Variants in SLC38A10 observed in about 807,000 individuals in gnomAD.
SLC38A10 encodes the protein solute carrier family 38 member 10.
In SLC38A10, 53 loss-of-function variants were observed where a neutral mutation model predicts 81.0. That is an observed-to-expected ratio of 0.65 (90% CI 0.53 to 0.82). SLC38A10 has a LOEUF of 0.82. Ranked by LOEUF, SLC38A10 falls within the 40% of genes least tolerant of loss-of-function variation. The pLI is 0.00. For synonymous variants in SLC38A10, 665 were observed against 655.3 expected (o/e 1.01, Z -0.23); for missense variants, 1,471 against 1,545.0 (o/e 0.95, Z 0.80).
intron 8 of SLC38A10, among the ~76,000 whole-genome samples, chr17:81,275,012 C>T (rs2063148548): frequency 1.3e-5 from 2 of 152,268 alleles, no homozygotes; most frequent in East Asian, 1.9e-4. Flanking sequence ...TTCAAGTGAT[C>T]CTCCTGCCTC....
intron 1 of SLC38A10, among the ~76,000 whole-genome samples, chr17:81,291,688 G>A (rs1196417037): frequency 1.3e-5 from 2 of 152,066 alleles, no homozygotes; most frequent in Non-Finnish European, 2.9e-5. Context: ...ACACAGGCAC[G>A]CACCCAGCAG....
chr17:81,283,525 G>C lies in SLC38A10; in HGVS notation c.264-23C>G. On this transcript the variant is annotated intron_variant, in intron 3 of 15. Coordinates refer to ENST00000374759, the MANE Select transcript of SLC38A10 (RefSeq NM_001037984.3). This position sits in a 1 kb window ranked among gnomAD's most constrained non-coding sequence, Gnocchi z 4.7. ...ATGCTGCACAGGGACGGGGGGTACGGGAAATGCCATCAGGGCAAGCTGGCA... is the reference window on the plus strand; with the variant it reads ...ATGCTGCACAGGGACGGGGGGTACGCGAAATGCCATCAGGGCAAGCTGGCA... The C allele has an allele frequency of 6.3e-7, 1 of 1,592,720 alleles. No homozygotes were observed. Among genetic ancestry groups the C allele is most frequent in the Non-Finnish European group, 8.6e-7 (1 of 1,168,204 alleles).
chr17:81,283,399 A>C lies in SLC38A10; in HGVS notation c.357+10T>G. 6.2e-7 allele frequency: 1 copy of C among 1,610,138 alleles called. No homozygotes were observed. Among genetic ancestry groups the C allele is most frequent in the Non-Finnish European group, 8.5e-7 (1 of 1,177,960 alleles). On this transcript the variant is annotated intron_variant, in intron 4 of 15. Transcript: ENST00000374759. This position sits in a 1 kb window ranked among gnomAD's most constrained non-coding sequence, Gnocchi z 4.7. ...ATCTGAACAACCCAGAACCCTGAACACATCCTTACCTGAAACCCGAACAGC... is the reference window on the plus strand; with the variant it reads ...ATCTGAACAACCCAGAACCCTGAACCCATCCTTACCTGAAACCCGAACAGC...
chr17:81,282,171 C>T lies in SLC38A10; in HGVS notation c.501+18G>A, dbSNP rs777956822. 1.1e-5 allele frequency: 17 copies of T among 1,612,294 alleles called. No homozygotes were observed. Among genetic ancestry groups the T allele is most frequent in the African/African-American group, 6.7e-5 (5 of 75,042 alleles). Reference sequence around the variant, plus strand: ...GGAGCAGCCTTTCAGCGGGTACCCACGCGCGCTGCCGACTCACCACGAACA... The same window carrying T: ...GGAGCAGCCTTTCAGCGGGTACCCATGCGCGCTGCCGACTCACCACGAACA... On this transcript the variant is annotated intron_variant, in intron 5 of 15. Transcript: ENST00000374759.
At chr17:81,248,114 C>A (rs1484833605) in intron 14 of SLC38A10, among the ~76,000 whole-genome samples, 1 of 151,928 alleles carries the variant, frequency 6.6e-6, no homozygotes, top group African/African-American at 2.4e-5. Context: ...CCCGCCACCG[C>A]GCCCGGCTAA....
Position 81,252,436 on chromosome 17 carries a change from C to T in SLC38A10, c.1704G>A (p.Glu568=). The stretch of plus-strand genomic sequence containing the variant: ...GATCTTCAGGAAGATCACCCGCCTC[C>T]TCCAAGGCCTGGGCCTGTCCAGGCC... The part of the protein sequence containing the change: ...GKRPGQAQAL[E]EAGDLPEDPQ... Residue 568 remains glutamate (E), a synonymous_variant, in exon 13 of 16, where the codon GAG becomes GAA. Coordinates refer to ENST00000374759, the MANE Select transcript of SLC38A10 (RefSeq NM_001037984.3). 2 of 1,613,370 alleles carry T rather than the reference C, an allele frequency of 1.2e-6. No homozygotes were observed. The highest frequency in any genetic ancestry group is 1.7e-6 in the Non-Finnish European group (2 of 1,180,028).
At position 81,294,916 on chromosome 17, in the gene SLC38A10, G is replaced by C; in HGVS notation, c.6C>G (p.Thr2=). M[T]AAAASNWGLI... is the part of the protein sequence containing the mutation. Reference sequence around the variant, plus strand: ...GCCCCCAGTTGGAGGCGGCGGCCGCGGTCATAGTGAGAGGTCTAGGGGCCC... The same window carrying C: ...GCCCCCAGTTGGAGGCGGCGGCCGCCGTCATAGTGAGAGGTCTAGGGGCCC... Residue 2 remains threonine (T), a synonymous_variant, in exon 1 of 16, where the codon ACC becomes ACG. Transcript: ENST00000374759. 2 of 1,592,452 alleles carry C rather than the reference G, an allele frequency of 1.3e-6. No homozygotes were observed. Among genetic ancestry groups the C allele is most frequent in the Non-Finnish European group, 1.7e-6 (2 of 1,170,864 alleles).
Position 81,265,476 on chromosome 17 carries a change from C to T in SLC38A10, c.1132-5082G>A, listed in dbSNP as rs1305206357. Reference sequence around the variant, plus strand: ...ATTTTCCTGTCCCCTGGTTGATCTTCTGAGGACGAGCTGGAACATTCCTTC... The same window carrying T: ...ATTTTCCTGTCCCCTGGTTGATCTTTTGAGGACGAGCTGGAACATTCCTTC... On this transcript the variant is annotated intron_variant, in intron 10 of 15. Transcript: ENST00000374759. This position sits in a 1 kb window ranked among gnomAD's most constrained non-coding sequence, Gnocchi z 4.2. 6.6e-6 allele frequency: 1 copy of T among 152,290 alleles called. No homozygotes were observed. Among genetic ancestry groups the T allele is most frequent in the Non-Finnish European group, 1.5e-5 (1 of 68,056 alleles). The allele number at this position is 152,290 out of a possible 1,614,324, so 9.4% of individuals were successfully genotyped here.
Position 81,265,685 on chromosome 17 carries a change from TG to T in SLC38A10, c.1131+5232del, listed in dbSNP as rs2063063970. ...ACAGATCCAGGCCTGTGCCCCTCCG[TG>T]GGCGCAGCCGGAGCCCCTGGGACAG... On this transcript the variant is annotated intron_variant, in intron 10 of 15. Transcript: ENST00000374759. The surrounding 1 kb of genome is among the most constrained non-coding windows in gnomAD (Gnocchi z 4.2). Among the ~76,000 whole-genome samples, 1 of 152,174 alleles carries T rather than the reference TG, an allele frequency of 6.6e-6. No individual in the cohort carries two copies. The highest frequency in any genetic ancestry group is 2.4e-5 in the African/African-American group (1 of 41,440).
chr17:81,274,930 A>G (rs2063147756), intron 8 of SLC38A10, among the ~76,000 whole-genome samples: 1 of 152,196 alleles, frequency 6.6e-6, no homozygotes, highest in African/African-American at 2.4e-5. Flanking sequence ...TTTTAGACAC[A>G]GGGTCTCACT....
chr17:81,252,806 C>A, intron 12 of SLC38A10, 123 bp from the exon 13 acceptor site: 1 of 1,406,300 alleles, frequency 7.1e-7, no homozygotes, highest in South Asian at 1.4e-5. Context: ...CAACAGATAC[C>A]ACCTCCCCTG....
At chr17:81,292,561 C>G (rs1386949599) in intron 1 of SLC38A10, among the ~76,000 whole-genome samples, 1 of 152,230 alleles carries the variant, frequency 6.6e-6, no homozygotes, top group Non-Finnish European at 1.5e-5. Context: ...GCGCCCCAGT[C>G]CAAGAAGGCT....
At chr17:81,247,366 G>C (rs1000847016) in intron 14 of SLC38A10, 1 of 284,842 alleles carries the variant, frequency 3.5e-6, no homozygotes, top group Non-Finnish European at 6.5e-6. Flanking sequence ...TGCCCCAGGC[G>C]CACCCGGCAG....
intron 10 of SLC38A10, among the ~76,000 whole-genome samples, chr17:81,266,633 GAAAAAGAAAA>G (rs1284774991): frequency 1.4e-5 from 2 of 148,118 alleles, no homozygotes; most frequent in Non-Finnish European, 1.5e-5. Context: ...AAAAAAAAAA[GAAAAAGAAAA>G]AAAAAGAAAA....
intron 13 of SLC38A10, 60 bp downstream of exon 13, chr17:81,252,135 C>T (rs937552213): frequency 2.7e-6 from 4 of 1,486,530 alleles, no homozygotes; most frequent in Non-Finnish European, 3.6e-6. Flanking sequence ...GCTGCCCCTG[C>T]CCAGCCTCCC....
At chr17:81,292,286 A>T (rs9899887) in intron 1 of SLC38A10, among the ~76,000 whole-genome samples, 1 of 151,684 alleles carries the variant, frequency 6.6e-6, no homozygotes, top group African/African-American at 2.4e-5. Flanking sequence ...GACATCGCGC[A>T]CAGCTAATTT....
intron 13 of SLC38A10, chr17:81,251,955 C>T (rs2062919565): frequency 6.3e-6 from 4 of 635,898 alleles, no homozygotes; most frequent in East Asian, 3.0e-5. Context: ...ACGAGCACAG[C>T]GCGGCACCTG....
At chr17:81,258,911 C>A (rs556144534) in intron 11 of SLC38A10, among the ~76,000 whole-genome samples, 1 of 152,274 alleles carries the variant, frequency 6.6e-6, no homozygotes, top group African/African-American at 2.4e-5. Flanking sequence ...GCCCCGCCAG[C>A]TGCACGGAAC....
intron 1 of SLC38A10, among the ~76,000 whole-genome samples, chr17:81,292,002 A>C (rs1302228801): frequency 6.6e-6 from 1 of 152,198 alleles, no homozygotes. Context: ...TGCTCGTCAT[A>C]TGAAAATTCA....
Sources: allele counts gnomAD v4.1 joint callset (sites outside exome capture counted in the v4.1 genomes callset), GRCh38; gene constraint gnomAD v4.1.1; non-coding constraint Gnocchi (gnomAD v3.1); transcripts MANE v1.5; gene names NCBI Gene and HGNC (gene_info 2026-07-23, HGNC 2026-07-21).